PLCH1: variants seen among roughly 807,000 people sequenced by gnomAD.
The protein encoded by PLCH1 is 1-phosphatidylinositol 4,5-bisphosphate phosphodiesterase eta-1.
PLCH1 carries 60 observed loss-of-function variants against 126.7 expected under a neutral mutation model. That is an observed-to-expected ratio of 0.47 (90% confidence interval 0.38 to 0.59). The LOEUF is 0.59. Ranked by LOEUF, PLCH1 falls within the 20% of genes least tolerant of loss-of-function variation. PLCH1 has a pLI of 0.00. For synonymous variants in PLCH1, 719 were observed against 734.9 expected, an observed-to-expected ratio of 0.98 and a Z score of 0.35; for missense variants, 1,723 against 2,040.0, an observed-to-expected ratio of 0.84 and a Z score of 2.99.
intron 2 of PLCH1, among the ~76,000 whole-genome samples, chr3:155,683,202 C>T (rs1317089123): frequency 6.6e-6 from 1 of 152,100 alleles, no homozygotes; most frequent in Non-Finnish European, 1.5e-5. Context: ...AGCCTGACTG[C>T]CTCTTTGAAC....
At chr3:155,567,558 A>G (rs1728682248) in intron 7 of PLCH1, among the ~76,000 whole-genome samples, 1 of 152,222 alleles carries the variant, frequency 6.6e-6, no homozygotes, top group Admixed American at 6.5e-5. Context: ...GTCTTTCATT[A>G]AAGATCATCT....
chr3:155,739,033 A>G (rs1209684041), intron 1 of PLCH1, among the ~76,000 whole-genome samples: 3 of 152,210 alleles, frequency 2.0e-5, no homozygotes, highest in Non-Finnish European at 4.4e-5. Context: ...GACATTCCTG[A>G]GCCCAGTTTC....
chr3:155,637,010 T>C (rs773635600), intron 2 of PLCH1, among the ~76,000 whole-genome samples: 2 of 152,200 alleles, frequency 1.3e-5, no homozygotes, highest in Non-Finnish European at 2.9e-5. Context: ...ATTATCAGTC[T>C]GTAATGGACT....
At chr3:155,561,984 G>A (rs533660964) in intron 8 of PLCH1, among the ~76,000 whole-genome samples, 40 of 152,284 alleles carry the variant, frequency 2.6e-4, no homozygotes, top group African/African-American at 7.7e-4. Flanking sequence ...GTTTCACCAT[G>A]TTGGCCAGGC....
intron 2 of PLCH1, among the ~76,000 whole-genome samples, chr3:155,687,296 C>T (rs1745027528): frequency 1.3e-5 from 2 of 151,726 alleles, no homozygotes; most frequent in Admixed American, 6.6e-5. Context: ...TCGACTAGCA[C>T]AAAAATGGTT....
At chr3:155,472,728 C>T (rs573577479) in intron 21 of PLCH1, among the ~76,000 whole-genome samples, 2,052 of 148,840 alleles carry the variant, frequency 0.014, 28 homozygotes, top group African/African-American at 0.048. Context: ...AGCTTATCCA[C>T]CATGATCAAG....
At chr3:155,515,216 T>C (rs955854112) in intron 11 of PLCH1, among the ~76,000 whole-genome samples, 4 of 152,174 alleles carry the variant, frequency 2.6e-5, no homozygotes, top group Admixed American at 6.5e-5. Context: ...TGTTCCTGGT[T>C]ACATAGCTAG....
At chr3:155,494,798 C>T (rs999664341) in intron 15 of PLCH1, among the ~76,000 whole-genome samples, 12 of 152,074 alleles carry the variant, frequency 7.9e-5, no homozygotes, top group Admixed American at 7.9e-4. Context: ...TCAATCATAC[C>T]GCTAATTTAT....
At chr3:155,468,728 T>C (rs994123461) in intron 21 of PLCH1, among the ~76,000 whole-genome samples, 2 of 152,076 alleles carry the variant, frequency 1.3e-5, no homozygotes, top group African/African-American at 4.8e-5. Context: ...AATTTAAACA[T>C]ATATGTTTAA....
intron 22 of PLCH1, among the ~76,000 whole-genome samples, chr3:155,483,857 T>C (rs1714574417): frequency 6.6e-6 from 1 of 152,206 alleles, no homozygotes; most frequent in South Asian, 2.1e-4. Context: ...AGGTATTCAA[T>C]TCTTCATCAG....
chr3:155,454,104 A>C, intron 21 of PLCH1, among the ~76,000 whole-genome samples: 1 of 152,192 alleles, frequency 6.6e-6, no homozygotes, highest in East Asian at 1.9e-4. Context: ...CTATGTGCCA[A>C]CTTCTACTAA....
At chr3:155,592,505 A>G (rs1472123317) in intron 4 of PLCH1, among the ~76,000 whole-genome samples, 1 of 151,598 alleles carries the variant, frequency 6.6e-6, no homozygotes, top group African/African-American at 2.4e-5. Context: ...CAAAAAAAAA[A>G]AAAAAATTGT....
Position 155,705,687 on chromosome 3 carries a change from G to A in PLCH1, c.-40-1423C>T, listed in dbSNP as rs576074603. 5.9e-5 allele frequency among the ~76,000 whole-genome samples: 9 copies of A among 152,198 alleles called. No homozygotes were observed. The South Asian group carries it at 1.9e-3, about 32-fold the overall frequency. On this transcript the variant is annotated intron_variant, in intron 1 of 22. Coordinates refer to ENST00000460012, the MANE Select transcript of PLCH1 (RefSeq NM_014996.4). ...ATATTCACATACATGATGCTCATTTGTCCCTTATTAATCTTCTGAGGTGAG... is the reference window on the plus strand; with the variant it reads ...ATATTCACATACATGATGCTCATTTATCCCTTATTAATCTTCTGAGGTGAG...
At chr3:155,569,360 A>C (rs1189329242) in intron 6 of PLCH1, among the ~76,000 whole-genome samples, 2 of 152,176 alleles carry the variant, frequency 1.3e-5, no homozygotes, top group African/African-American at 4.8e-5. Flanking sequence ...TTACATTTTA[A>C]TAAAATCTAG....
At chr3:155,576,114 A>C (rs1212794565) in intron 6 of PLCH1, among the ~76,000 whole-genome samples, 2 of 152,144 alleles carry the variant, frequency 1.3e-5, no homozygotes, top group Non-Finnish European at 2.9e-5. Context: ...CCAAAACACT[A>C]AAAAGGATGG....
At chr3:155,548,910 G>C (rs1725747622) in intron 10 of PLCH1, among the ~76,000 whole-genome samples, 1 of 152,124 alleles carries the variant, frequency 6.6e-6, no homozygotes, top group African/African-American at 2.4e-5. Context: ...TAAAGCCCCA[G>C]TTGAAGTCCT....
At chr3:155,492,673 T>C in intron 18 of PLCH1, 56 bp downstream of exon 18, 2 of 1,440,452 alleles carry the variant, frequency 1.4e-6, no homozygotes, top group Non-Finnish European at 1.8e-6. Context: ...AAAATGTAAA[T>C]GCACTAAGAT....
intron 6 of PLCH1, among the ~76,000 whole-genome samples, chr3:155,576,957 T>G (rs1196215574): frequency 1.3e-5 from 2 of 152,236 alleles, no homozygotes; most frequent in Non-Finnish European, 2.9e-5. Flanking sequence ...GTAAAACTAC[T>G]CCAGTATCAT....
intron 21 of PLCH1, among the ~76,000 whole-genome samples, chr3:155,456,035 T>C (rs891161603): frequency 6.6e-6 from 1 of 152,234 alleles, no homozygotes; most frequent in Non-Finnish European, 1.5e-5. Flanking sequence ...GGGCCAGTGT[T>C]GTCTGCCCTG....
Sources: gnomAD v4.1 joint callset for allele counts (sites outside exome capture counted in the v4.1 genomes callset) on GRCh38, gnomAD v4.1.1 for gene constraint, MANE v1.5 for transcripts, NCBI Gene and HGNC (gene_info 2026-07-23, HGNC 2026-07-21) for gene names.